The following FAM151A variants were observed in gnomAD, a reference collection of about 807,000 sequenced individuals.
The protein encoded by FAM151A is family with sequence similarity 151 member A.
In FAM151A, 41 loss-of-function variants were observed where a neutral mutation model predicts 40.4. The ratio of observed to expected loss-of-function variants is 1.01; its 90% confidence interval spans 0.79 to 1.32. The LOEUF is 1.32. FAM151A is among the 40% of genes most tolerant of loss of function. The pLI is 0.00. For synonymous variants in FAM151A, 337 were observed against 312.5 expected (o/e 1.08, Z -0.83); for missense variants, 740 against 740.4 (o/e 1.00, Z 0.01).
intron 6 of FAM151A, among the ~76,000 whole-genome samples, chr1:54,611,306 A>G (rs1297709632): frequency 6.6e-6 from 1 of 152,156 alleles, no homozygotes; most frequent in Non-Finnish European, 1.5e-5. Context: ...ATGGTGGCGC[A>G]GGAGAATCGC....
chr1:54,609,899 G>C lies in FAM151A; in HGVS notation c.1127C>G (p.Thr376Ser), dbSNP rs1644095673. Reference sequence around the variant, plus strand: ...AATGGGCACGGGGTTTTCAGCCACAGTTCCCTCGAGGCCAGTGTTCAGCAG... The same window carrying C: ...AATGGGCACGGGGTTTTCAGCCACACTTCCCTCGAGGCCAGTGTTCAGCAG... ...MILLNTGLEG[T>S]VAENPVPIVH... The change falls in exon 8 of 8, where the codon ACT becomes AGT. Residue 376 changes from threonine (T) to serine (S), a missense_variant. Transcript: ENST00000302250. 4.3e-6 allele frequency: 7 copies of C among 1,611,160 alleles called. No individual in the cohort carries two copies. Among genetic ancestry groups the C allele is most frequent in the Admixed American group, 1.7e-5 (1 of 60,028 alleles).
chr1:54,612,745 C>T (rs1211190372), intron 4 of FAM151A, 35 bp from the exon 5 acceptor site: 1 of 1,537,564 alleles, frequency 6.5e-7, no homozygotes, highest in Non-Finnish European at 9.0e-7. Context: ...TCTCACGGAG[C>T]TGCAGCGGCC....
intron 2 of FAM151A, 21 bp from the exon 3 acceptor site, chr1:54,616,193 C>T: frequency 6.3e-7 from 1 of 1,579,790 alleles, no homozygotes; most frequent in Non-Finnish European, 8.6e-7. Context: ...GGCAACAACT[C>T]AGTGAGTTCC....
intron 3 of FAM151A, among the ~76,000 whole-genome samples, 174 bp from the exon 4 acceptor site, chr1:54,615,033 G>A (rs1356642494): frequency 6.6e-6 from 1 of 151,992 alleles, no homozygotes; most frequent in African/African-American, 2.4e-5. Context: ...AAGGCCTTTC[G>A]AAGAGACAGA....
In FAM151A at chr1:54,615,992, C is replaced by T. The variant is rs201399565; in HGVS notation, c.415+28G>A. 355 of 1,610,706 alleles carry T rather than the reference C, an allele frequency of 2.2e-4. 2 individuals are homozygous for T. The East Asian group carries it at 3.2e-3, about 14-fold the overall frequency. On this transcript the variant is annotated intron_variant, in intron 3 of 7. Transcript: ENST00000302250. ...GCCCCAGGGCCAGAGGGCTGGGGGCCGGAGAGGGTTTCCAGAGAGGCCCTT... is the reference window on the plus strand; with the variant it reads ...GCCCCAGGGCCAGAGGGCTGGGGGCTGGAGAGGGTTTCCAGAGAGGCCCTT...
intron 6 of FAM151A, chr1:54,610,919 T>G: frequency 1.0e-6 from 1 of 985,388 alleles, no homozygotes; most frequent in Non-Finnish European, 1.2e-6. Context: ...ATGAGGGGTT[T>G]GGATAGTGGC....
chr1:54,620,539 C>T (rs1644219664), intron 1 of FAM151A, among the ~76,000 whole-genome samples: 1 of 151,314 alleles, frequency 6.6e-6, no homozygotes, highest in Non-Finnish European at 1.5e-5. Context: ...AACCATGTCT[C>T]TACTACACAT....
Position 54,609,603 on chromosome 1 carries a change from TCACGTGGGGGAAGACCTCAGC to T in FAM151A, c.1402_1422del (p.Ala468_Val474del), listed in dbSNP as rs1557668114. On this transcript the variant is annotated inframe_deletion, in exon 8 of 8. Transcript: ENST00000302250. Reference sequence around the variant, plus strand: ...TCCTCAGGCCAGCCTGGTGCCACAGTCACGTGGGGGAAGACCTCAGCCACAGCTGTAAGCAGCTCTCTGCCA... The same window carrying T: ...TCCTCAGGCCAGCCTGGTGCCACAGTCACAGCTGTAAGCAGCTCTCTGCCA... The T allele has an allele frequency of 1.9e-6, 3 of 1,613,234 alleles. No homozygotes were observed. The highest frequency in any genetic ancestry group is 2.5e-6 in the Non-Finnish European group (3 of 1,180,022).
At chr1:54,612,430 C>T in intron 5 of FAM151A, 56 bp downstream of exon 5, 2 of 1,306,722 alleles carry the variant, frequency 1.5e-6, no homozygotes, top group South Asian at 1.2e-5. Flanking sequence ...CTTCTGGGAT[C>T]TTGCTGGGGG....
At chr1:54,610,858 G>A in intron 6 of FAM151A, 2 of 985,396 alleles carry the variant, frequency 2.0e-6, no homozygotes, top group Non-Finnish European at 1.2e-6. Context: ...GTCTGATGGG[G>A]CCTCTTTGAG....
chr1:54,623,435 C>T lies in FAM151A; in HGVS notation c.-40G>A. 1 of 1,507,074 alleles carries T rather than the reference C, an allele frequency of 6.6e-7. No homozygotes were observed. The highest frequency in any genetic ancestry group is 9.2e-7 in the Non-Finnish European group (1 of 1,086,116). The allele number at this position is 1,507,074 out of a possible 1,614,324, so 93.4% of individuals were successfully genotyped here. On this transcript the variant is annotated 5_prime_UTR_variant, in exon 1 of 8. Transcript: ENST00000302250. ...GGGAATGCCCCCAACTCCGTGCGGCCCAGAGTCCCTGAGGCTCCCTGCAGC... is the reference window on the plus strand; with the variant it reads ...GGGAATGCCCCCAACTCCGTGCGGCTCAGAGTCCCTGAGGCTCCCTGCAGC...
chr1:54,611,156 C>A, intron 6 of FAM151A: 2 of 539,498 alleles, frequency 3.7e-6, no homozygotes, highest in Non-Finnish European at 4.7e-6. Flanking sequence ...ATGTGTGGGT[C>A]AGGCAGGTGG....
rs573790345 is a variant in FAM151A, at chr1:54,623,188, A to C, written c.118+90T>G. ...GCAAAACTCCGTCTAAAAAAAAAAA[A>C]GGGACTGGTCAGAGCTGTAAGTGAG... is the stretch of plus-strand genomic sequence containing the variant. On this transcript the variant is annotated intron_variant, in intron 1 of 7. Transcript: ENST00000302250. The C allele has an allele frequency of 8.5e-4, 673 of 796,382 alleles. 1 individual carries two copies. Among genetic ancestry groups the C allele is most frequent in the Non-Finnish European group, 8.7e-4 (426 of 489,692 alleles). 49.3% of individuals were successfully genotyped at this position (796,382 alleles called of 1,614,324 possible).
intron 2 of FAM151A, among the ~76,000 whole-genome samples, chr1:54,617,620 C>T (rs1376198997): frequency 5.3e-5 from 8 of 151,366 alleles, no homozygotes; most frequent in Non-Finnish European, 1.2e-4. Flanking sequence ...TTCCAGGCAC[C>T]CAGCTTCTCC....
At chr1:54,620,785 G>A (rs1214160432) in intron 1 of FAM151A, among the ~76,000 whole-genome samples, 1 of 140,166 alleles carries the variant, frequency 7.1e-6, no homozygotes, top group African/African-American at 2.7e-5. Flanking sequence ...AGAGGTGGAG[G>A]TTGTAGTGAG....
chr1:54,623,193 C>A, intron 1 of FAM151A, 85 bp downstream of exon 1: 1 of 830,210 alleles, frequency 1.2e-6, no homozygotes, highest in Non-Finnish European at 1.9e-6. Context: ...AAAAAAGGGA[C>A]TGGTCAGAGC....
chr1:54,622,475 G>C (rs1001101500), intron 1 of FAM151A, among the ~76,000 whole-genome samples: 2 of 152,076 alleles, frequency 1.3e-5, no homozygotes, highest in African/African-American at 4.8e-5. Flanking sequence ...CTACTCCGGA[G>C]GCTGAAGCAG....
chr1:54,616,018 A>T lies in FAM151A; in HGVS notation c.415+2T>A, dbSNP rs772679617. On this transcript the variant is annotated splice_donor_variant, in intron 3 of 7. Transcript: ENST00000302250. LOFTEE classifies it high-confidence loss of function. ...GGAGAGGGTTTCCAGAGAGGCCCTTACCCTTTTGGGAAGAGCCCAGCACAG... is the reference window on the plus strand; with the variant it reads ...GGAGAGGGTTTCCAGAGAGGCCCTTTCCCTTTTGGGAAGAGCCCAGCACAG... 4.3e-6 allele frequency: 7 copies of T among 1,613,346 alleles called. No homozygotes were observed. The Admixed American group carries it at 1.2e-4, about 27-fold the overall frequency.
chr1:54,615,117 A>AGGACTT (rs1232027849), intron 3 of FAM151A, among the ~76,000 whole-genome samples: 3 of 152,132 alleles, frequency 2.0e-5, no homozygotes, highest in African/African-American at 7.2e-5. Context: ...AGGCCAGGTA[A>AGGACTT]GGACTTGGGC....
Sources: gnomAD v4.1 joint callset for allele counts (sites outside exome capture counted in the v4.1 genomes callset) on GRCh38, gnomAD v4.1.1 for gene constraint, MANE v1.5 for transcripts, NCBI Gene and HGNC (gene_info 2026-07-23, HGNC 2026-07-21) for gene names.